UMAD1: variants seen among roughly 807,000 people sequenced by gnomAD.
UMAD1 encodes UBAP1-MVB12-associated (UMA) domain containing 1, also known as UBAP1-MVB12-associated (UMA)-domain containing protein 1.
UMAD1 carries 8 observed loss-of-function variants against 6.1 expected under a neutral mutation model. The observed-to-expected ratio is 1.30, with a 90% CI of 0.76 to 2.35. UMAD1 has a LOEUF of 2.35. Among genes scored for constraint, UMAD1 ranks in the 30% most tolerant of loss-of-function variants. The pLI is 0.00. For missense variants in UMAD1, 130 were observed against 78.4 expected (o/e 1.66, Z -2.49); for synonymous variants, 56 against 31.4 (o/e 1.78, Z -2.61).
At chr7:7,859,481 T>C (rs1784076437) in intron 3 of UMAD1, among the ~76,000 whole-genome samples, 1 of 152,202 alleles carries the variant, frequency 6.6e-6, no homozygotes, top group African/African-American at 2.4e-5. Context: ...CCATTTATAT[T>C]GATTTAAGTA....
At chr7:7,855,234 A>C (rs1276594563) in intron 3 of UMAD1, among the ~76,000 whole-genome samples, 2 of 152,144 alleles carry the variant, frequency 1.3e-5, no homozygotes, top group Admixed American at 6.5e-5. Flanking sequence ...TTCTCTTCTC[A>C]CAACTCCACT....
intron 1 of UMAD1, among the ~76,000 whole-genome samples, chr7:7,669,254 G>A (rs530235938): frequency 2.0e-5 from 3 of 152,158 alleles, no homozygotes; most frequent in African/African-American, 4.8e-5. Flanking sequence ...GATTGTATAC[G>A]GTATTTTGAT....
chr7:7,760,619 A>G (rs1315689746), intron 2 of UMAD1, among the ~76,000 whole-genome samples: 1 of 152,108 alleles, frequency 6.6e-6, no homozygotes, highest in African/African-American at 2.4e-5. Flanking sequence ...CACTTATGGC[A>G]GGAAGACTGA....
chr7:7,877,326 A>G lies in UMAD1; in HGVS notation c.202A>G (p.Met68Val). 1 of 717,546 alleles carries G rather than the reference A, an allele frequency of 1.4e-6. No homozygotes were observed. Among genetic ancestry groups the G allele is most frequent in the Non-Finnish European group, 2.6e-6 (1 of 385,106 alleles). The allele number at this position is 717,546 out of a possible 1,614,324, so 44.4% of individuals were successfully genotyped here. ...CAGTGTGACTGTATCAGACCCTGAG[A>G]TGGAAAATAAGGCAGGCCAGACTCT... ...SSSVTVSDPE[M>V]ENKAGQTLEN... Residue 68 changes from methionine to valine, a missense_variant, in exon 4 of 4, where the codon ATG becomes GTG. Coordinates refer to ENST00000682710, the MANE Select transcript of UMAD1 (RefSeq NM_001302348.2).
chr7:7,704,341 A>T (rs897675217), intron 2 of UMAD1, among the ~76,000 whole-genome samples: 3 of 152,162 alleles, frequency 2.0e-5, no homozygotes, highest in African/African-American at 4.8e-5. Context: ...TGAAGTTTTG[A>T]TTTCTAATAT....
intron 1 of UMAD1, among the ~76,000 whole-genome samples, chr7:7,655,816 A>G (rs1785327457): frequency 7.5e-6 from 1 of 132,934 alleles, no homozygotes; most frequent in East Asian, 3.9e-4. Context: ...TATATTTAGG[A>G]CAGTCTCTCT....
intron 3 of UMAD1, among the ~76,000 whole-genome samples, chr7:7,803,624 G>T (rs575514377): frequency 6.6e-6 from 1 of 152,006 alleles, no homozygotes; most frequent in Non-Finnish European, 1.5e-5. Context: ...ATGAACAACA[G>T]AAATTTATTT....
intron 1 of UMAD1, among the ~76,000 whole-genome samples, chr7:7,659,600 T>C (rs762592501): frequency 2.0e-5 from 3 of 152,222 alleles, no homozygotes; most frequent in African/African-American, 7.2e-5. Flanking sequence ...TCAGTTTCCA[T>C]GTAGTTGTGC....
At chr7:7,655,819 G>GTC (rs146375851) in intron 1 of UMAD1, among the ~76,000 whole-genome samples, 56,131 of 150,156 alleles carry the variant, frequency 0.37, 11,260 homozygotes, top group East Asian at 0.8. Context: ...ATTTAGGACA[G>GTC]TCTCTCTCTC....
In UMAD1 at chr7:7,877,394, G is replaced by A. The variant is rs765992880; in HGVS notation, c.270G>A (p.Pro90=). The A allele has an allele frequency of 1.5e-5, 11 of 717,480 alleles. No homozygotes were observed. Among genetic ancestry groups the A allele is most frequent in the Non-Finnish European group, 2.3e-5 (9 of 385,128 alleles). The allele number at this position is 717,480 out of a possible 1,614,324, so 44.4% of individuals were successfully genotyped here. A position where few individuals can be genotyped will look rare whatever the true frequency, so the allele number is the denominator to read the frequency against. The change falls in exon 4 of 4, where the codon CCG becomes CCA. Residue 90 remains proline, a synonymous_variant. Coordinates refer to ENST00000682710, the MANE Select transcript of UMAD1 (RefSeq NM_001302348.2). ...SLMAELLSDV[P]FTLAPHVLAV... ...TGGCCGAGCTCCTGAGCGATGTGCC[G>A]TTCACCCTGGCCCCGCATGTGCTGG...
At chr7:7,834,010 T>C (rs937440415) in intron 3 of UMAD1, among the ~76,000 whole-genome samples, 3 of 108,768 alleles carry the variant, frequency 2.8e-5, no homozygotes, top group Admixed American at 1.1e-4. Flanking sequence ...TCTTTCTTTT[T>C]CTTTTCTTTT....
At chr7:7,757,994 A>G (rs1482920214) in intron 2 of UMAD1, among the ~76,000 whole-genome samples, 6 of 152,162 alleles carry the variant, frequency 3.9e-5, no homozygotes, top group Admixed American at 3.9e-4. Flanking sequence ...AAGTAGAGGG[A>G]GGAATCTGGG....
chr7:7,649,320 G>A (rs974915746), intron 1 of UMAD1, among the ~76,000 whole-genome samples: 2 of 152,114 alleles, frequency 1.3e-5, no homozygotes, highest in Admixed American at 1.3e-4. Context: ...AGAAATGTAA[G>A]GGAAGGGGAC....
chr7:7,668,381 C>T (rs960184383), intron 1 of UMAD1, among the ~76,000 whole-genome samples: 1 of 152,034 alleles, frequency 6.6e-6, no homozygotes, highest in South Asian at 2.1e-4. Context: ...TTTATGAGTA[C>T]AGTACTATAA....
At chr7:7,804,413 C>T (rs1782865607) in intron 3 of UMAD1, among the ~76,000 whole-genome samples, 1 of 152,250 alleles carries the variant, frequency 6.6e-6, no homozygotes, top group Admixed American at 6.5e-5. Flanking sequence ...TGGCTCACAC[C>T]TGTAATCCCA....
At chr7:7,700,874 G>A (rs1780444022) in intron 2 of UMAD1, among the ~76,000 whole-genome samples, 1 of 151,748 alleles carries the variant, frequency 6.6e-6, no homozygotes, top group Non-Finnish European at 1.5e-5. Context: ...GGTAACAAGA[G>A]CGAGACTCCA....
intron 3 of UMAD1, among the ~76,000 whole-genome samples, chr7:7,818,679 A>G (rs1228781192): frequency 6.6e-6 from 1 of 152,270 alleles, no homozygotes; most frequent in Non-Finnish European, 1.5e-5. Context: ...CCAAAGGAAT[A>G]TAAATCATTC....
chr7:7,866,230 T>C (rs1784222622), intron 3 of UMAD1, among the ~76,000 whole-genome samples: 1 of 152,200 alleles, frequency 6.6e-6, no homozygotes, highest in African/African-American at 2.4e-5. Context: ...TAAACATGTA[T>C]TGATTATCTG....
intron 2 of UMAD1, chr7:7,689,493 G>GC (rs1474913417): frequency 6.6e-6 from 1 of 152,138 alleles, no homozygotes; most frequent in Non-Finnish European, 1.5e-5. Flanking sequence ...TAAAGTTTAA[G>GC]CCACTTTTAG....
Sources: allele counts gnomAD v4.1 joint callset (sites outside exome capture counted in the v4.1 genomes callset), GRCh38; gene constraint gnomAD v4.1.1; transcripts MANE v1.5; gene names NCBI Gene and HGNC (gene_info 2026-07-23, HGNC 2026-07-21).